MPRIP: variants seen among roughly 807,000 people sequenced by gnomAD.
MPRIP encodes myosin phosphatase Rho-interacting protein.
Under a neutral mutation model 234.9 loss-of-function variants are expected in MPRIP, and 59 were observed. The observed-to-expected ratio is 0.25, with a 90% CI of 0.20 to 0.31. The LOEUF (loss-of-function observed/expected upper bound fraction) is 0.31, where lower values mean the gene tolerates loss of function less well. Ranked by LOEUF, MPRIP falls within the 10% of genes least tolerant of loss-of-function variation. The probability of loss-of-function intolerance (pLI) is 1.00; values close to 1 mark genes in which losing one functional copy is unlikely to be tolerated. For missense variants in MPRIP, 2,436 were observed against 3,071.0 expected, an observed-to-expected ratio of 0.79 and a Z score of 4.89; for synonymous variants, 1,144 against 1,263.9, an observed-to-expected ratio of 0.91 and a Z score of 2.01.
chr17:17,105,566 G>C (rs1193432862), intron 3 of MPRIP, among the ~76,000 whole-genome samples: 1 of 152,210 alleles, frequency 6.6e-6, no homozygotes, highest in Non-Finnish European at 1.5e-5. Flanking sequence ...CTCAGAGATG[G>C]ATGGGTCCCT....
In MPRIP at chr17:17,138,306, C is replaced by T; in HGVS notation, c.1127C>T (p.Pro376Leu). The T allele has an allele frequency of 9.4e-6, 4 of 424,254 alleles. No homozygotes were observed. Among genetic ancestry groups the T allele is most frequent in the Non-Finnish European group, 1.7e-5 (4 of 239,764 alleles). 26.3% of individuals were successfully genotyped at this position (424,254 alleles called of 1,614,324 possible). ...CAATATGCCACCCTGGCCGACGTCC[C>T]TAAGGCCATCAGGATCAGCCACCGA... The part of the protein sequence containing the change: ...SRQYATLADV[P>L]KAIRISHREA... The change falls in exon 7 of 24, where the codon CCT (proline) becomes CTT (leucine). Residue 376 changes from proline (P) to leucine (L), a missense_variant. Physicochemically the swap from Pro to Leu is moderately conservative, Grantham distance 98 (BLOSUM62 -3). Around this residue, in one of 4 missense-constraint regions of MPRIP, gnomAD observed 267 missense variants for 252.7 expected, o/e 1.06. Transcript: ENST00000651222. The surrounding 1 kb of genome is among the most constrained non-coding windows in gnomAD (Gnocchi z 5.8).
At chr17:17,125,439 A>T (rs550723886) in intron 3 of MPRIP, among the ~76,000 whole-genome samples, 1 of 152,354 alleles carries the variant, frequency 6.6e-6, no homozygotes, top group African/African-American at 2.4e-5. Context: ...GCCAGCAGCC[A>T]TGTAGGCAAG....
At chr17:17,115,983 T>C (rs1024464571) in intron 3 of MPRIP, among the ~76,000 whole-genome samples, 12 of 152,148 alleles carry the variant, frequency 7.9e-5, no homozygotes, top group African/African-American at 2.7e-4. Flanking sequence ...CCTTAATGAA[T>C]ATGGGATTTT....
At chr17:17,134,274 G>A (rs975970308) in intron 5 of MPRIP, among the ~76,000 whole-genome samples, 2 of 152,226 alleles carry the variant, frequency 1.3e-5, no homozygotes, top group African/African-American at 4.8e-5. Flanking sequence ...AGGCTCTAGA[G>A]CAACTTGTGC....
chr17:17,154,539 C>T (rs924765028), intron 13 of MPRIP, 124 bp downstream of exon 13: 4 of 726,220 alleles, frequency 5.5e-6, no homozygotes, highest in Non-Finnish European at 9.7e-6. Flanking sequence ...TCTGCTGCTC[C>T]TTCCTTCCTG....
At chr17:17,109,865 A>G (rs2090135961) in intron 3 of MPRIP, among the ~76,000 whole-genome samples, 1 of 152,062 alleles carries the variant, frequency 6.6e-6, no homozygotes, top group Non-Finnish European at 1.5e-5. Flanking sequence ...TGTCAGGGGG[A>G]CATGGGAGCC....
chr17:17,180,167 C>A, intron 23 of MPRIP, 79 bp downstream of exon 23: 4 of 1,168,810 alleles, frequency 3.4e-6, no homozygotes, highest in Admixed American at 2.5e-5. Context: ...AGTATGAGTG[C>A]TCCCATGGGC....
intron 23 of MPRIP, chr17:17,182,066 G>A (rs1282318647): frequency 1.3e-5 from 2 of 152,256 alleles, no homozygotes; most frequent in Non-Finnish European, 2.9e-5. Context: ...AGATGTCTGT[G>A]GTGCAACAGG....
intron 1 of MPRIP, among the ~76,000 whole-genome samples, chr17:17,048,012 A>G (rs1480172515): frequency 6.6e-6 from 1 of 152,182 alleles, no homozygotes; most frequent in African/African-American, 2.4e-5. Flanking sequence ...TCTGGAACCC[A>G]GGGTGCTCAG....
chr17:17,110,098 G>A lies in MPRIP; in HGVS notation c.268-16604G>A, dbSNP rs1458606950. On this transcript the variant is annotated intron_variant, in intron 3 of 23. Transcript: ENST00000651222. Reference sequence around the variant, plus strand: ...CCTGCCCTGGGCGGGGCAGCAAGTGGGTTCTTGCTCTGTTAGTTTCCTGGA... The same window carrying A: ...CCTGCCCTGGGCGGGGCAGCAAGTGAGTTCTTGCTCTGTTAGTTTCCTGGA... 2.6e-4 allele frequency among the ~76,000 whole-genome samples: 40 copies of A among 152,060 alleles called. 1 individual carries two copies. Among genetic ancestry groups the A allele is most frequent in the Admixed American group, 2.6e-3 (40 of 15,272 alleles).
At chr17:17,172,214 C>T (rs2046154265) in intron 17 of MPRIP, among the ~76,000 whole-genome samples, 1 of 152,252 alleles carries the variant, frequency 6.6e-6, no homozygotes, top group South Asian at 2.1e-4. Flanking sequence ...GTGGGACCAC[C>T]TCTGGCCAGA....
rs1442705497 is a variant in MPRIP, at chr17:17,186,519, T to G, written c.*1625T>G. 1.3e-5 allele frequency: 2 copies of G among 152,232 alleles called. No homozygotes were observed. The highest frequency in any genetic ancestry group is 4.8e-5 in the African/African-American group (2 of 41,456). The allele number at this position is 152,232 out of a possible 1,614,324, so 9.4% of individuals were successfully genotyped here. On this transcript the variant is annotated 3_prime_UTR_variant, in exon 24 of 24. Coordinates refer to ENST00000651222, the MANE Select transcript of MPRIP (RefSeq NM_001364716.4). ...CACTTTCACTCCTCTGCTACTAGTCTTCAGTGTTGTTAACAGCAAGAGAAA... is the reference window on the plus strand; with the variant it reads ...CACTTTCACTCCTCTGCTACTAGTCGTCAGTGTTGTTAACAGCAAGAGAAA...
chr17:17,062,139 A>G (rs1376390102), intron 1 of MPRIP, among the ~76,000 whole-genome samples: 1 of 152,224 alleles, frequency 6.6e-6, no homozygotes, highest in Non-Finnish European at 1.5e-5. Flanking sequence ...AGTGTACATT[A>G]AATACCTGGA....
At chr17:17,135,689 T>A (rs1225466037) in intron 5 of MPRIP, among the ~76,000 whole-genome samples, 17 of 152,148 alleles carry the variant, frequency 1.1e-4, no homozygotes, top group Non-Finnish European at 8.8e-5. Context: ...AGGGCTCCAC[T>A]CTCATGACCT....
chr17:17,172,638 C>A (rs954191317), intron 17 of MPRIP, 60 bp from the exon 18 acceptor site: 6 of 1,389,056 alleles, frequency 4.3e-6, no homozygotes, highest in Middle Eastern at 2.5e-4. Context: ...TCCCCACCCC[C>A]ACCCCTGTCA....
At chr17:17,089,658 T>G (rs2089670353) in intron 3 of MPRIP, among the ~76,000 whole-genome samples, 1 of 152,032 alleles carries the variant, frequency 6.6e-6, no homozygotes, top group Non-Finnish European at 1.5e-5. Flanking sequence ...TAAGTAGGAC[T>G]TGTGGGGGTG....
chr17:17,084,587 G>GGT, intron 3 of MPRIP, among the ~76,000 whole-genome samples: 1 of 152,232 alleles, frequency 6.6e-6, no homozygotes, highest in Non-Finnish European at 1.5e-5. Context: ...AGAGAGGGAT[G>GGT]GTGTCTTTCC....
At chr17:17,069,931 G>C (rs1021367982) in intron 1 of MPRIP, among the ~76,000 whole-genome samples, 1 of 152,016 alleles carries the variant, frequency 6.6e-6, no homozygotes, top group Non-Finnish European at 1.5e-5. Flanking sequence ...ATTTTGCTAG[G>C]GGTAAGTCAG....
At chr17:17,046,475 C>T (rs2088355979) in intron 1 of MPRIP, among the ~76,000 whole-genome samples, 1 of 151,982 alleles carries the variant, frequency 6.6e-6, no homozygotes, top group African/African-American at 2.4e-5. Context: ...TTTTCAGATA[C>T]CACGAAATTG....
Sources: gnomAD v4.1 joint callset for allele counts (sites outside exome capture counted in the v4.1 genomes callset) on GRCh38, gnomAD v4.1.1 for gene constraint, gnomAD v4.1.1 regional missense constraint, Gnocchi (gnomAD v3.1) non-coding constraint, MANE v1.5 for transcripts, NCBI Gene and HGNC (gene_info 2026-07-23, HGNC 2026-07-21) for gene names.